The following SVEP1 variants were observed in gnomAD, a reference collection of about 807,000 sequenced individuals.
The protein encoded by SVEP1 is sushi, von Willebrand factor type A, EGF and pentraxin domain-containing protein 1.
Under a neutral mutation model 367.3 loss-of-function variants are expected in SVEP1, and 164 were observed. The ratio of observed to expected loss-of-function variants is 0.45; its 90% CI spans 0.39 to 0.51. The LOEUF is 0.51. SVEP1 is among the 20% of genes least tolerant of loss of function. The probability of loss-of-function intolerance (pLI) is 0.00; values close to 1 mark genes in which losing one functional copy is unlikely to be tolerated. For missense variants in SVEP1, 4,117 were observed against 4,425.3 expected, an observed-to-expected ratio of 0.93 and a Z score of 1.98; for synonymous variants, 1,666 against 1,611.6, an observed-to-expected ratio of 1.03 and a Z score of -0.81.
intron 1 of SVEP1, among the ~76,000 whole-genome samples, chr9:110,578,740 A>T (rs886256163): frequency 6.6e-6 from 1 of 152,204 alleles, no homozygotes; most frequent in Non-Finnish European, 1.5e-5. Context: ...GAATGTGATT[A>T]GCGTTTCAAG....
chr9:110,529,610 T>G lies in SVEP1; in HGVS notation c.965-15504A>C, dbSNP rs1281057327. On this transcript the variant is annotated intron_variant, in intron 3 of 47. Coordinates refer to ENST00000374469, the MANE Select transcript of SVEP1 (RefSeq NM_153366.4). ...TTACGTATATTCCTAGGAAGTTTGT[T>G]TTTTTTTTGTTACTATTGTAAAAGA... Among the ~76,000 whole-genome samples the G allele has an allele frequency of 3.3e-4, 6 of 18,182 alleles. No homozygotes were observed. In the Middle Eastern group the frequency reaches 0.15, roughly 466 times the overall value. 11.9% of individuals were successfully genotyped at this position (18,182 alleles called of 152,430 possible). A position where few individuals can be genotyped will look rare whatever the true frequency, so the allele number is the denominator to read the frequency against.
intron 46 of SVEP1, among the ~76,000 whole-genome samples, chr9:110,372,248 A>C (rs1283245696): frequency 6.6e-6 from 1 of 152,132 alleles, no homozygotes. Flanking sequence ...TACCCATTTC[A>C]CTGTTGTCAT....
chr9:110,439,245 C>T (rs1676662861), intron 27 of SVEP1, among the ~76,000 whole-genome samples: 1 of 152,040 alleles, frequency 6.6e-6, no homozygotes, highest in Non-Finnish European at 1.5e-5. Context: ...AGAAAGCTTG[C>T]TCTCTCTCTC....
intron 8 of SVEP1, among the ~76,000 whole-genome samples, chr9:110,495,531 A>G (rs1829432521): frequency 6.6e-6 from 1 of 152,198 alleles, no homozygotes; most frequent in Non-Finnish European, 1.5e-5. Flanking sequence ...TTTTCAAATC[A>G]GATTTAAAAG....
rs151230690 is a variant in SVEP1, at chr9:110,386,423, G to A, written c.10061-349C>T. Among the ~76,000 whole-genome samples, 53 of 152,114 alleles carry A rather than the reference G, an allele frequency of 3.5e-4. 2 individuals are homozygous for A. The highest frequency in any genetic ancestry group is 1.2e-3 in the African/African-American group (50 of 41,442). ...AACAAAAGGCATACTAGAAATCAAG[G>A]GGTATATCAAATATTCCCTTATTTG... On this transcript the variant is annotated intron_variant, in intron 42 of 47. Transcript: ENST00000374469.
chr9:110,552,718 C>T (rs923914729), intron 1 of SVEP1, among the ~76,000 whole-genome samples: 6 of 152,260 alleles, frequency 3.9e-5, no homozygotes, highest in South Asian at 2.1e-4. Context: ...TGGTAATGCT[C>T]ACTTGCCCAC....
At chr9:110,451,494 G>T in intron 22 of SVEP1, 92 bp from the exon 23 acceptor site, 1 of 800,788 alleles carries the variant, frequency 1.2e-6, no homozygotes, top group Non-Finnish European at 2.0e-6. Context: ...CATTGGAATA[G>T]GGAAATTGGA....
intron 5 of SVEP1, among the ~76,000 whole-genome samples, chr9:110,508,554 G>A (rs1564162600): frequency 6.6e-6 from 1 of 152,000 alleles, no homozygotes; most frequent in Non-Finnish European, 1.5e-5. Flanking sequence ...GAGGTCAGGA[G>A]ATTGAGACCA....
intron 1 of SVEP1, 52 bp from the exon 2 acceptor site, chr9:110,550,156 T>C (rs1830266405): frequency 6.3e-7 from 1 of 1,599,366 alleles, no homozygotes; most frequent in African/African-American, 1.3e-5. Context: ...TTGCCTACTG[T>C]GTGCTTCTCT....
chr9:110,547,282 C>T (rs1392469354), intron 2 of SVEP1, among the ~76,000 whole-genome samples: 1 of 152,186 alleles, frequency 6.6e-6, no homozygotes, highest in Non-Finnish European at 1.5e-5. Flanking sequence ...GTAACACAGG[C>T]CCTTAGGACT....
chr9:110,377,342 T>G lies in SVEP1; in HGVS notation c.10433A>C (p.Asn3478Thr). 1 of 1,613,812 alleles carries G rather than the reference T, an allele frequency of 6.2e-7. No individual in the cohort carries two copies. Among genetic ancestry groups the G allele is most frequent in the Non-Finnish European group, 8.5e-7 (1 of 1,179,754 alleles). The stretch of plus-strand genomic sequence containing the variant: ...ATTTGGGCGTTGGCAGATGCCCCCA[T>G]TCTGACATGGAAATCGACAGACAGC... ...CRAVCRFPCQNGGICQRPNAC... is the reference protein window; with the variant it reads ...CRAVCRFPCQTGGICQRPNAC... Residue 3478 changes from asparagine to threonine, a missense_variant, in exon 45 of 48, where the codon AAT becomes ACT. Coordinates refer to ENST00000374469, the MANE Select transcript of SVEP1 (RefSeq NM_153366.4).
At chr9:110,550,964 G>A (rs189901634) in intron 1 of SVEP1, among the ~76,000 whole-genome samples, 3 of 152,144 alleles carry the variant, frequency 2.0e-5, no homozygotes, top group Non-Finnish European at 4.4e-5. Flanking sequence ...AATTCAATTT[G>A]CTGTTGTTGC....
chr9:110,383,915 G>A (rs958487692), intron 43 of SVEP1, among the ~76,000 whole-genome samples: 4 of 151,888 alleles, frequency 2.6e-5, no homozygotes, highest in Admixed American at 2.6e-4. Context: ...TGCACTATGG[G>A]GAATTCCTCC....
At chr9:110,564,100 C>CA (rs1229468539) in intron 1 of SVEP1, among the ~76,000 whole-genome samples, 2 of 152,026 alleles carry the variant, frequency 1.3e-5, no homozygotes, top group African/African-American at 4.8e-5. Context: ...GACTGGACTG[C>CA]AAAAAATACG....
chr9:110,440,525 G>A (rs1193751798), intron 27 of SVEP1, among the ~76,000 whole-genome samples: 1 of 152,192 alleles, frequency 6.6e-6, no homozygotes, highest in Non-Finnish European at 1.5e-5. Flanking sequence ...ATAATTCTAA[G>A]GGAAAATTCA....
chr9:110,544,454 A>G (rs1198312727), intron 3 of SVEP1, among the ~76,000 whole-genome samples: 1 of 152,226 alleles, frequency 6.6e-6, no homozygotes, highest in Non-Finnish European at 1.5e-5. Flanking sequence ...TCCAATACAG[A>G]AAAACTATGT....
At position 110,408,390 on chromosome 9, in the gene SVEP1, C is replaced by T. The variant is rs1163235516; in HGVS notation, c.7210G>A (p.Val2404Ile). The T allele has an allele frequency of 6.2e-7, 1 of 1,613,926 alleles. No homozygotes were observed. ...PSSALHFGST[V>I]KYSCVGGFFL... is the part of the protein sequence containing the mutation. ...AACCCACCTACACAAGAATACTTGACAGTACTTCCAAAATGAAGAGCAGAA... is the reference window on the plus strand; with the variant it reads ...AACCCACCTACACAAGAATACTTGATAGTACTTCCAAAATGAAGAGCAGAA... Residue 2404 changes from valine (V) to isoleucine (I), a missense_variant, in exon 38 of 48, where the codon GTC becomes ATC. By Grantham distance (29) the Val-to-Ile change is conservative (BLOSUM62 3). This residue lies in a region of SVEP1 where 1,765 missense variants were observed against 1,781.1 expected (regional missense o/e 0.99). Coordinates refer to ENST00000374469, the MANE Select transcript of SVEP1 (RefSeq NM_153366.4).
chr9:110,395,646 G>A (rs1827746538), intron 40 of SVEP1, among the ~76,000 whole-genome samples: 1 of 151,986 alleles, frequency 6.6e-6, no homozygotes, highest in South Asian at 2.1e-4. Context: ...CAAAATAAAA[G>A]GATGGAGGAA....
At chr9:110,416,742 T>G (rs1454779381) in intron 36 of SVEP1, among the ~76,000 whole-genome samples, 1 of 151,952 alleles carries the variant, frequency 6.6e-6, no homozygotes, top group East Asian at 1.9e-4. Context: ...AAAGACAAGT[T>G]TTTAAAAAGT....
Sources: gnomAD v4.1 joint callset for allele counts (sites outside exome capture counted in the v4.1 genomes callset) on GRCh38, gnomAD v4.1.1 for gene constraint, gnomAD v4.1.1 regional missense constraint, MANE v1.5 for transcripts, NCBI Gene and HGNC (gene_info 2026-07-23, HGNC 2026-07-21) for gene names.